The following PARD3B variants were observed in gnomAD, a reference collection of about 807,000 sequenced individuals.
The protein encoded by PARD3B is par-3 family cell polarity regulator beta, also known as partitioning defective 3 homolog B.
Under a neutral mutation model 130.2 loss-of-function variants are expected in PARD3B, and 103 were observed. That is an observed-to-expected ratio of 0.79 (90% CI 0.67 to 0.93). The LOEUF (loss-of-function observed/expected upper bound fraction) is 0.93. Ranked by LOEUF, PARD3B falls within the 40% of genes least tolerant of loss-of-function variation. The probability of loss-of-function intolerance (pLI) is 0.00; values close to 1 mark genes in which losing one functional copy is unlikely to be tolerated. For synonymous variants in PARD3B, 583 were observed against 553.2 expected, an observed-to-expected ratio of 1.05 and a Z score of -0.76; for missense variants, 1,609 against 1,499.2, an observed-to-expected ratio of 1.07 and a Z score of -1.21.
intron 2 of PARD3B, among the ~76,000 whole-genome samples, chr2:204,720,851 G>T (rs756790790): frequency 6.6e-6 from 1 of 152,048 alleles, no homozygotes; most frequent in Non-Finnish European, 1.5e-5. Context: ...TTTGGGGGTG[G>T]AAACCAAGCA....
chr2:204,945,712 A>G (rs1018028562), intron 2 of PARD3B, among the ~76,000 whole-genome samples: 1 of 152,186 alleles, frequency 6.6e-6, no homozygotes, highest in Non-Finnish European at 1.5e-5. Flanking sequence ...GGTCTAACAA[A>G]CACAAGCACA....
At chr2:204,566,703 T>G (rs1020163474) in intron 1 of PARD3B, among the ~76,000 whole-genome samples, 2 of 152,116 alleles carry the variant, frequency 1.3e-5, no homozygotes, top group Non-Finnish European at 2.9e-5. Context: ...AAAGACAACT[T>G]TGTTAATGTT....
chr2:204,697,110 G>A (rs1333753602), intron 2 of PARD3B, among the ~76,000 whole-genome samples: 1 of 152,090 alleles, frequency 6.6e-6, no homozygotes, highest in African/African-American at 2.4e-5. Flanking sequence ...GAATCTCATA[G>A]TTCTTAATTG....
At chr2:205,410,085 C>T (rs1290889995) in intron 19 of PARD3B, among the ~76,000 whole-genome samples, 5 of 152,266 alleles carry the variant, frequency 3.3e-5, no homozygotes, top group South Asian at 2.1e-4. Flanking sequence ...ATGCTTGGAA[C>T]CAGAAGTGTT....
chr2:205,088,800 C>CTTTT (rs34435799), intron 4 of PARD3B, among the ~76,000 whole-genome samples: 1 of 146,774 alleles, frequency 6.8e-6, no homozygotes, highest in Non-Finnish European at 1.5e-5. Context: ...TTATGACTGT[C>CTTTT]TTTTTTTTTT....
chr2:205,042,035 T>C (rs944701303), intron 3 of PARD3B, among the ~76,000 whole-genome samples: 1 of 152,184 alleles, frequency 6.6e-6, no homozygotes, highest in Non-Finnish European at 1.5e-5. Flanking sequence ...CAGAAACTTA[T>C]AGAGGTAGCA....
chr2:205,158,709 A>G lies in PARD3B; in HGVS notation c.1435-13A>G. ...TCTTCTCTTCACTCTTTTCATGTGT[A>G]TTCCCCTAACAGAAAGGAGAACCTG... On this transcript the variant is annotated splice_polypyrimidine_tract_variant and intron_variant, in intron 10 of 22. Transcript: ENST00000406610. The surrounding 1 kb of genome is among the most constrained non-coding windows in gnomAD (Gnocchi z 5.4). The G allele has an allele frequency of 1.2e-6, 2 of 1,601,162 alleles. No homozygotes were observed. Among genetic ancestry groups the G allele is most frequent in the Non-Finnish European group, 1.7e-6 (2 of 1,172,762 alleles).
intron 1 of PARD3B, among the ~76,000 whole-genome samples, chr2:204,685,963 G>A (rs879708906): frequency 6.6e-6 from 1 of 152,138 alleles, no homozygotes; most frequent in African/African-American, 2.4e-5. Flanking sequence ...CAGGAAAATT[G>A]ATGAAATATG....
chr2:204,756,193 C>A (rs918515770), intron 2 of PARD3B, among the ~76,000 whole-genome samples: 3 of 152,144 alleles, frequency 2.0e-5, no homozygotes, highest in Admixed American at 1.3e-4. Context: ...GGGGGTCACA[C>A]AAGATTACCT....
At chr2:204,706,192 G>C (rs6722595) in intron 2 of PARD3B, among the ~76,000 whole-genome samples, 122,731 of 151,666 alleles carry the variant, frequency 0.81, 49,909 homozygotes, top group Middle Eastern at 0.91. Context: ...ACAGTGAAAC[G>C]CTGTCTCTAC....
chr2:204,968,066 C>T (rs1333015773), intron 3 of PARD3B, among the ~76,000 whole-genome samples: 1 of 152,168 alleles, frequency 6.6e-6, no homozygotes, highest in Non-Finnish European at 1.5e-5. Context: ...TTTCACAGCT[C>T]ATTCACCCAA....
Position 205,498,016 on chromosome 2 carries a change from A to ACACAC in PARD3B, c.3045-1880_3045-1879insCACAC, listed in dbSNP as rs2050002401. On this transcript the variant is annotated intron_variant, in intron 20 of 22. Coordinates refer to ENST00000406610, the MANE Select transcript of PARD3B (RefSeq NM_001302769.2). ...ACATGGTGAAACCTCGTCTCTACTA[A>ACACAC]ACACACACACACACACACACACACA... 4.2e-5 allele frequency among the ~76,000 whole-genome samples: 6 copies of ACACAC among 141,972 alleles called. No individual in the cohort carries two copies. The East Asian group carries it at 6.3e-4, about 15-fold the overall frequency. 93.1% of individuals were successfully genotyped at this position (141,972 alleles called of 152,430 possible).
intron 18 of PARD3B, among the ~76,000 whole-genome samples, chr2:205,354,049 T>C (rs887927309): frequency 1.6e-5 from 2 of 127,342 alleles, no homozygotes; most frequent in South Asian, 5.4e-4. Flanking sequence ...TTTTTTTTTT[T>C]TGAGACAGGG....
chr2:205,577,374 A>G (rs1477879720), intron 22 of PARD3B, among the ~76,000 whole-genome samples: 1 of 152,180 alleles, frequency 6.6e-6, no homozygotes, highest in Non-Finnish European at 1.5e-5. Flanking sequence ...CCAAATGAAA[A>G]CAATGTCCAT....
At chr2:204,789,995 T>C (rs562230135) in intron 2 of PARD3B, among the ~76,000 whole-genome samples, 194 of 152,012 alleles carry the variant, frequency 1.3e-3, no homozygotes, top group African/African-American at 4.5e-3. Flanking sequence ...CTCAGCCTCC[T>C]GAGTAGCTGG....
intron 2 of PARD3B, among the ~76,000 whole-genome samples, chr2:204,719,941 T>C (rs990649946): frequency 6.6e-6 from 1 of 152,188 alleles, no homozygotes; most frequent in African/African-American, 2.4e-5. Context: ...ATATCCTCTC[T>C]CCCTGAATTT....
chr2:205,144,375 T>G (rs2033196598), intron 10 of PARD3B, among the ~76,000 whole-genome samples: 1 of 152,214 alleles, frequency 6.6e-6, no homozygotes, highest in Non-Finnish European at 1.5e-5. Flanking sequence ...TATCATAATT[T>G]GGGGATGATT....
chr2:205,149,230 G>A (rs183853530), intron 10 of PARD3B, among the ~76,000 whole-genome samples: 2 of 152,084 alleles, frequency 1.3e-5, no homozygotes, highest in East Asian at 1.9e-4. Flanking sequence ...ATCTAGCGAG[G>A]CCTGACCAGG....
At chr2:205,111,851 A>G (rs991212281) in intron 5 of PARD3B, among the ~76,000 whole-genome samples, 1 of 152,124 alleles carries the variant, frequency 6.6e-6, no homozygotes, top group Non-Finnish European at 1.5e-5. Context: ...CTTTAAAAGC[A>G]GTATTTTAAA....
Sources: allele counts gnomAD v4.1 joint callset (sites outside exome capture counted in the v4.1 genomes callset), GRCh38; gene constraint gnomAD v4.1.1; non-coding constraint Gnocchi (gnomAD v3.1); transcripts MANE v1.5; gene names NCBI Gene and HGNC (gene_info 2026-07-23, HGNC 2026-07-21).